LRRK2: variants seen among roughly 807,000 people sequenced by gnomAD.
LRRK2 encodes leucine rich repeat kinase 2, also known as leucine-rich repeat serine/threonine-protein kinase 2.
LRRK2 carries 203 observed loss-of-function variants against 302.6 expected under a neutral mutation model. The observed-to-expected ratio is 0.67, with a 90% CI of 0.60 to 0.75. LRRK2 has a LOEUF of 0.75. Among genes scored for constraint, LRRK2 ranks in the 30% least tolerant of loss-of-function variants. LRRK2 has a pLI of 0.00. For missense variants in LRRK2, 2,830 were observed against 2,951.0 expected (o/e 0.96, Z 0.95); for synonymous variants, 1,066 against 1,031.9 (o/e 1.03, Z -0.63).
intron 39 of LRRK2, among the ~76,000 whole-genome samples, chr12:40,331,265 C>T (rs940819766): frequency 6.6e-6 from 1 of 152,130 alleles, no homozygotes; most frequent in Non-Finnish European, 1.5e-5. Flanking sequence ...GTTCAAGTTA[C>T]CACTTTCTGA....
chr12:40,321,233 T>G, intron 35 of LRRK2, 45 bp downstream of exon 35: 1 of 1,541,098 alleles, frequency 6.5e-7, no homozygotes, highest in Non-Finnish European at 8.9e-7. Context: ...AGACTATTAA[T>G]TTAGACTTAT....
In LRRK2 at chr12:40,251,828, G is replaced by A. The variant is rs1491938; in HGVS notation, c.1181+284G>A. Reference sequence around the variant, plus strand: ...GAATCTTTCTATTTTCTGGCTGATCGTTTTAAAATGCCATATTAATTCATC... The same window carrying A: ...GAATCTTTCTATTTTCTGGCTGATCATTTTAAAATGCCATATTAATTCATC... On this transcript the variant is annotated intron_variant, in intron 10 of 50. Transcript: ENST00000298910. Among the ~76,000 whole-genome samples the A allele has an allele frequency of 0.48, 72,504 of 151,980 alleles. 18,236 individuals carry two copies. The highest frequency in any genetic ancestry group is 0.62 in the South Asian group (2,971 of 4,820).
Position 40,322,530 on chromosome 12 carries a change from A to C in LRRK2, c.5509+20A>C, listed in dbSNP as rs11564134. The C allele has an allele frequency of 2.5e-3, 3,949 of 1,605,354 alleles. 70 individuals are homozygous for C. In the African/African-American group the frequency reaches 0.04, roughly 16 times the overall value. On this transcript the variant is annotated intron_variant, in intron 37 of 50. Transcript: ENST00000298910. ...AGGAAGGTATGTTTTGATACAACTTACAAATGCTTTTAAGTGATCCTTCAA... is the reference window on the plus strand; with the variant it reads ...AGGAAGGTATGTTTTGATACAACTTCCAAATGCTTTTAAGTGATCCTTCAA...
intron 34 of LRRK2, 80 bp from the exon 35 acceptor site, chr12:40,320,954 C>A: frequency 6.9e-7 from 1 of 1,459,196 alleles, no homozygotes; most frequent in Non-Finnish European, 9.6e-7. Flanking sequence ...CCTTCATTGA[C>A]TTTAAGCAGT....
intron 14 of LRRK2, among the ~76,000 whole-genome samples, chr12:40,266,433 A>G (rs1054053081): frequency 6.6e-6 from 1 of 152,248 alleles, no homozygotes; most frequent in Non-Finnish European, 1.5e-5. Flanking sequence ...AGAGAAATGC[A>G]AATCAAAACC....
chr12:40,260,115 C>A (rs1942704259), intron 13 of LRRK2, among the ~76,000 whole-genome samples: 2 of 152,112 alleles, frequency 1.3e-5, no homozygotes, highest in Admixed American at 6.6e-5. Flanking sequence ...TATTTGTTCT[C>A]CAAAGCCCCT....
intron 14 of LRRK2, among the ~76,000 whole-genome samples, chr12:40,268,085 C>G (rs191580761): frequency 3.3e-5 from 5 of 152,232 alleles, no homozygotes; most frequent in Admixed American, 3.3e-4. Context: ...TCTAGAACAG[C>G]GATGTTCCAT....
intron 45 of LRRK2, among the ~76,000 whole-genome samples, chr12:40,355,437 T>C (rs964926381): frequency 3.3e-5 from 5 of 152,032 alleles, no homozygotes; most frequent in Admixed American, 3.3e-4. Flanking sequence ...CTGTGTTTGC[T>C]AATTGTCCCT....
chr12:40,315,741 G>A (rs960822400), intron 33 of LRRK2, among the ~76,000 whole-genome samples: 1 of 151,968 alleles, frequency 6.6e-6, no homozygotes, highest in East Asian at 1.9e-4. Flanking sequence ...AAATGCTTAC[G>A]ATTTTGAAAA....
At chr12:40,287,718 T>C (rs1193270951) in intron 20 of LRRK2, among the ~76,000 whole-genome samples, 179 bp downstream of exon 20, 3 of 151,848 alleles carry the variant, frequency 2.0e-5, no homozygotes, top group African/African-American at 7.2e-5. Context: ...AGGAAGTGTG[T>C]CTCTGTGCTT....
intron 19 of LRRK2, chr12:40,286,179 G>C (rs1229646181): frequency 1.3e-5 from 2 of 151,878 alleles, no homozygotes; most frequent in African/African-American, 4.8e-5. Flanking sequence ...TTAATTGGAG[G>C]GTATAACCAT....
Position 40,308,507 on chromosome 12 carries a change from C to G in LRRK2, c.4000C>G (p.Arg1334Gly). 2 of 1,613,816 alleles carry G rather than the reference C, an allele frequency of 1.2e-6. No individual in the cohort carries two copies. The highest frequency in any genetic ancestry group is 2.2e-5 in the East Asian group (1 of 44,844). Residue 1334 changes from arginine to glycine, a missense_variant, in exon 29 of 51, where the codon CGA becomes GGA. Coordinates refer to ENST00000298910, the MANE Select transcript of LRRK2 (RefSeq NM_198578.4). ...ATTAAAAAAGGCTGTGCCTTATAAC[C>G]GAATGAAACTTATGATTGTGGGAAA... ...QRLKKAVPYN[R>G]MKLMIVGNTG...
intron 10 of LRRK2, 103 bp from the exon 11 acceptor site, chr12:40,252,807 A>G: frequency 3.9e-6 from 3 of 766,334 alleles, no homozygotes; most frequent in Non-Finnish European, 2.3e-6. Context: ...AATATTGTTT[A>G]TATGCTCTTA....
chr12:40,267,807 T>C (rs1301994043), intron 14 of LRRK2, among the ~76,000 whole-genome samples: 1 of 152,176 alleles, frequency 6.6e-6, no homozygotes, highest in East Asian at 1.9e-4. Context: ...TGAGAGCAAT[T>C]ACTGTAGCTC....
chr12:40,225,645 A>C lies in LRRK2; in HGVS notation c.237+5A>C, dbSNP rs1940834815. The C allele has an allele frequency of 6.2e-7, 1 of 1,610,394 alleles. No individual in the cohort carries two copies. Among genetic ancestry groups the C allele is most frequent in the Non-Finnish European group, 8.5e-7 (1 of 1,176,764 alleles). Reference sequence around the variant, plus strand: ...AGAGTCGCGAGTGTGCAGCAGGTAAAGGCATTGTTTTCACTTCAACTCATT... The same window carrying C: ...AGAGTCGCGAGTGTGCAGCAGGTAACGGCATTGTTTTCACTTCAACTCATT... On this transcript the variant is annotated splice_donor_5th_base_variant and intron_variant, in intron 2 of 50. Coordinates refer to ENST00000298910, the MANE Select transcript of LRRK2 (RefSeq NM_198578.4).
intron 31 of LRRK2, 57 bp downstream of exon 31, chr12:40,310,706 TG>T: frequency 2.6e-6 from 4 of 1,566,586 alleles, no homozygotes; most frequent in Non-Finnish European, 3.5e-6. Context: ...TGCCTAGAAA[TG>T]TCAGAAATTT....
Position 40,334,963 on chromosome 12 carries a change from G to A in LRRK2, c.5758-4G>A. On this transcript the variant is annotated splice_region_variant and splice_polypyrimidine_tract_variant and intron_variant, in intron 39 of 50. Transcript: ENST00000298910. ...TACTCTTACATGATTTTGGACTTTT[G>A]CAGGAGCTTGTGGTGCTTTGCCACC... 1 of 1,613,720 alleles carries A rather than the reference G, an allele frequency of 6.2e-7. No individual in the cohort carries two copies.
intron 39 of LRRK2, 115 bp from the exon 40 acceptor site, chr12:40,334,852 A>G (rs1012274684): frequency 1.3e-4 from 156 of 1,186,466 alleles, no homozygotes; most frequent in Middle Eastern, 5.4e-4. Flanking sequence ...AAAGTTTGCT[A>G]TGATCCAGTC....
chr12:40,238,232 T>C (rs1941561137), intron 5 of LRRK2, 129 bp downstream of exon 5: 1 of 938,670 alleles, frequency 1.1e-6, no homozygotes. Context: ...GTGGGAGTTG[T>C]CTGTCAAGGG....
Sources: gnomAD v4.1 joint callset for allele counts (sites outside exome capture counted in the v4.1 genomes callset) on GRCh38, gnomAD v4.1.1 for gene constraint, MANE v1.5 for transcripts, NCBI Gene and HGNC (gene_info 2026-07-23, HGNC 2026-07-21) for gene names.